RASGRP3: variants seen among roughly 807,000 people sequenced by gnomAD.
The protein encoded by RASGRP3 is ras guanyl-releasing protein 3.
RASGRP3 carries 54 observed loss-of-function variants against 82.7 expected under a neutral mutation model. The observed-to-expected ratio is 0.65, with a 90% CI of 0.52 to 0.82. The LOEUF (loss-of-function observed/expected upper bound fraction) is 0.82. RASGRP3 is among the 40% of genes least tolerant of loss of function. The pLI, the probability that RASGRP3 is intolerant of heterozygous loss-of-function variation, is 0.00. For synonymous variants in RASGRP3, 309 were observed against 300.5 expected, an observed-to-expected ratio of 1.03 and a Z score of -0.29; for missense variants, 861 against 828.9, an observed-to-expected ratio of 1.04 and a Z score of -0.48.
chr2:33,463,693 G>C (rs1201915482), intron 2 of RASGRP3, among the ~76,000 whole-genome samples: 1 of 150,484 alleles, frequency 6.6e-6, no homozygotes, highest in African/African-American at 2.5e-5. Context: ...CTGCCTCCCA[G>C]GTTCAAGCGA....
At chr2:33,560,381 G>A (rs1021299400) in intron 17 of RASGRP3, among the ~76,000 whole-genome samples, 2 of 152,096 alleles carry the variant, frequency 1.3e-5, no homozygotes, top group African/African-American at 4.8e-5. Flanking sequence ...AGTTCAAGCT[G>A]GGAATATAAA....
At chr2:33,487,258 T>C (rs1383822268) in intron 1 of RASGRP3, among the ~76,000 whole-genome samples, 1 of 152,144 alleles carries the variant, frequency 6.6e-6, no homozygotes, top group Non-Finnish European at 1.5e-5. Flanking sequence ...AGGGATGACA[T>C]GAATACATTT....
In RASGRP3 at chr2:33,558,326, G is replaced by C; in HGVS notation, c.1695G>C (p.Ser565=). 6.2e-7 allele frequency: 1 copy of C among 1,613,242 alleles called. No individual in the cohort carries two copies. Among genetic ancestry groups the C allele is most frequent in the South Asian group, 1.1e-5 (1 of 91,016 alleles). ...ATGGGTCACTGCCTGGAAGCCCCTC[G>C]CTGCCCCCAGGTAATGCCCTCTGCT... ...SGHGSLPGSP[S]LPPAQDEVFE... Residue 565 remains serine (S), a synonymous_variant, in exon 16 of 18, where the codon TCG becomes TCC. Transcript: ENST00000403687.
At chr2:33,459,716 G>T (rs1025189945) in intron 2 of RASGRP3, among the ~76,000 whole-genome samples, 1 of 152,108 alleles carries the variant, frequency 6.6e-6, no homozygotes, top group Non-Finnish European at 1.5e-5. Context: ...ATTACAAAGG[G>T]TTGATCAGTA....
intron 14 of RASGRP3, 67 bp from the exon 15 acceptor site, chr2:33,555,464 C>A: frequency 7.1e-7 from 1 of 1,407,650 alleles, no homozygotes; most frequent in Non-Finnish European, 9.9e-7. Flanking sequence ...ACTTCCTTTT[C>A]AGTGGCCTTG....
At position 33,515,164 on chromosome 2, in the gene RASGRP3, G is replaced by C; in HGVS notation, c.28G>C (p.Ala10Pro). ...GGGATCAAGTGGCCTTGGGAAAGCA[G>C]CAACATTAGATGAACTGCTGTGCAC... MGSSGLGKA[A>P]TLDELLCTCI... The change falls in exon 3 of 18, where the codon GCA becomes CCA. Residue 10 changes from alanine to proline, a missense_variant. Transcript: ENST00000403687. 1.9e-6 allele frequency: 3 copies of C among 1,613,944 alleles called. No individual in the cohort carries two copies.
chr2:33,562,811 TCTGA>T lies in RASGRP3; in HGVS notation c.*77_*80del. ...CAAGACGAGAAACTCTGAAGAAAGCTCTGACTCTCAGGAAGTTATCTGGAAAGAT... is the reference window on the plus strand; with the variant it reads ...CAAGACGAGAAACTCTGAAGAAAGCTCTCTCAGGAAGTTATCTGGAAAGAT... On this transcript the variant is annotated 3_prime_UTR_variant, in exon 18 of 18. Coordinates refer to ENST00000403687, the MANE Select transcript of RASGRP3 (RefSeq NM_001139488.2). 1.3e-6 allele frequency: 2 copies of T among 1,553,618 alleles called. No individual in the cohort carries two copies. Among genetic ancestry groups the T allele is most frequent in the East Asian group, 2.2e-5 (1 of 44,556 alleles).
At chr2:33,516,712 A>T (rs1671503079) in intron 4 of RASGRP3, 68 bp downstream of exon 4, 1 of 1,064,404 alleles carries the variant, frequency 9.4e-7, no homozygotes, top group Admixed American at 2.3e-5. Context: ...TAGAGTGTCT[A>T]TCCAAAGCCA....
intron 1 of RASGRP3, among the ~76,000 whole-genome samples, chr2:33,445,353 A>C (rs935972773): frequency 3.3e-5 from 5 of 152,250 alleles, no homozygotes; most frequent in African/African-American, 1.2e-4. Flanking sequence ...TTCTTGTCTT[A>C]TTCCATGAGG....
intron 14 of RASGRP3, among the ~76,000 whole-genome samples, chr2:33,550,397 T>C (rs1485823980): frequency 2.0e-5 from 3 of 152,192 alleles, no homozygotes; most frequent in Non-Finnish European, 2.9e-5. Flanking sequence ...TTACCAGAGC[T>C]TGGACTCCGA....
Position 33,467,544 on chromosome 2 carries a change from G to T in RASGRP3, c.-261+19601G>T, listed in dbSNP as rs182518678. Among the ~76,000 whole-genome samples, 402 of 152,304 alleles carry T rather than the reference G, an allele frequency of 2.6e-3. 2 individuals carry two copies. Among genetic ancestry groups the T allele is most frequent in the African/African-American group, 9.1e-3 (380 of 41,552 alleles). On this transcript the variant is annotated intron_variant, in intron 2 of 18. Transcript: ENST00000402538. Reference sequence around the variant, plus strand: ...TTTACTGAGCTGGAGGAATATGAGAGAATGTTGCATACAAAGTCTCCTAAA... The same window carrying T: ...TTTACTGAGCTGGAGGAATATGAGATAATGTTGCATACAAAGTCTCCTAAA...
intron 17 of RASGRP3, chr2:33,559,750 C>T: frequency 2.3e-6 from 1 of 430,324 alleles, no homozygotes; most frequent in South Asian, 1.7e-5. Context: ...CATTGCCACC[C>T]TGTCGAATTG....
At chr2:33,536,544 T>C (rs1673631163) in intron 11 of RASGRP3, among the ~76,000 whole-genome samples, 1 of 152,106 alleles carries the variant, frequency 6.6e-6, no homozygotes, top group Non-Finnish European at 1.5e-5. Context: ...AGTTTTACTT[T>C]AGTTTATTTT....
intron 2 of RASGRP3, among the ~76,000 whole-genome samples, chr2:33,456,412 T>C (rs1979242): frequency 0.82 from 124,202 of 152,078 alleles, 50,921 homozygotes; most frequent in Middle Eastern, 0.86. Flanking sequence ...CAATTTTTCC[T>C]CTCAATTGCT....
chr2:33,458,365 G>A (rs919386670), intron 2 of RASGRP3, among the ~76,000 whole-genome samples: 6 of 152,154 alleles, frequency 3.9e-5, no homozygotes, highest in Admixed American at 3.3e-4. Flanking sequence ...GTGCAGCAGG[G>A]AAACTTGTGC....
chr2:33,522,151 A>C, intron 7 of RASGRP3, 49 bp downstream of exon 7: 1 of 1,557,684 alleles, frequency 6.4e-7, no homozygotes, highest in Non-Finnish European at 8.7e-7. Context: ...CACCATGCCA[A>C]CTTTCCCAAG....
chr2:33,512,718 T>G (rs1671049123), intron 2 of RASGRP3, among the ~76,000 whole-genome samples: 1 of 152,242 alleles, frequency 6.6e-6, no homozygotes, highest in African/African-American at 2.4e-5. Flanking sequence ...CTGACAAGTT[T>G]CATGATATTC....
intron 9 of RASGRP3, among the ~76,000 whole-genome samples, chr2:33,524,907 G>A (rs192936413): frequency 1.9e-3 from 292 of 151,756 alleles, no homozygotes; most frequent in African/African-American, 6.8e-3. Flanking sequence ...GTGAAACCCC[G>A]TCTCTACTAA....
chr2:33,556,402 C>T lies in RASGRP3; in HGVS notation c.1579+835C>T, dbSNP rs1471710518. Among the ~76,000 whole-genome samples, 3 of 122,882 alleles carry T rather than the reference C, an allele frequency of 2.4e-5. 1 individual carries two copies. Among genetic ancestry groups the T allele is most frequent in the South Asian group, 2.7e-4 (1 of 3,772 alleles). 80.6% of individuals were successfully genotyped at this position (122,882 alleles called of 152,430 possible). A position where few individuals can be genotyped will look rare whatever the true frequency, so the allele number is the denominator to read the frequency against. On this transcript the variant is annotated intron_variant, in intron 15 of 17. Coordinates refer to ENST00000403687, the MANE Select transcript of RASGRP3 (RefSeq NM_001139488.2). The stretch of plus-strand genomic sequence containing the variant: ...AGCTGGGACTACAGGCGCCCGCCAC[C>T]GCGCCCGGCTAATTTTTTGTATTTT...
Sources: gnomAD v4.1 joint callset for allele counts (sites outside exome capture counted in the v4.1 genomes callset) on GRCh38, gnomAD v4.1.1 for gene constraint, MANE v1.5 for transcripts, NCBI Gene and HGNC (gene_info 2026-07-23, HGNC 2026-07-21) for gene names.